CBFA2T3: variants seen among roughly 807,000 people sequenced by gnomAD.
The protein encoded by CBFA2T3 is CBFA2/RUNX1 partner transcriptional co-repressor 3, also known as transcriptional corepressor CBFA2T3.
Under a neutral mutation model 58.6 loss-of-function variants are expected in CBFA2T3, and 31 were observed. The ratio of observed to expected loss-of-function variants is 0.53; its 90% CI spans 0.40 to 0.71. The LOEUF is 0.71. Among genes scored for constraint, CBFA2T3 ranks in the 30% least tolerant of loss-of-function variants. CBFA2T3 has a pLI of 0.00. For synonymous variants in CBFA2T3, 531 were observed against 421.9 expected, an observed-to-expected ratio of 1.26 and a Z score of -3.17; for missense variants, 1,076 against 963.1, an observed-to-expected ratio of 1.12 and a Z score of -1.55.
chr16:88,942,042 T>C (rs961999170), intron 1 of CBFA2T3, among the ~76,000 whole-genome samples: 1 of 152,000 alleles, frequency 6.6e-6, no homozygotes, highest in South Asian at 2.1e-4. Context: ...TGCGAAGCCC[T>C]CGCTTCCCGC....
In CBFA2T3 at chr16:88,898,141, C is replaced by A. The variant is rs770164863; in HGVS notation, c.316G>T (p.Gly106Trp). 4.3e-6 allele frequency: 7 copies of A among 1,612,492 alleles called. No individual in the cohort carries two copies. The South Asian group carries it at 7.7e-5, about 18-fold the overall frequency. Residue 106 changes from glycine to tryptophan, a missense_variant, in exon 3 of 12, where the codon GGG becomes TGG. Coordinates refer to ENST00000268679, the MANE Select transcript of CBFA2T3 (RefSeq NM_005187.6). ...CGGCCGTGGGGCAGCGTCGCAGGCCCGTCCTCTCGATCTGTAAGCAAAATA... is the reference window on the plus strand; with the variant it reads ...CGGCCGTGGGGCAGCGTCGCAGGCCAGTCCTCTCGATCTGTAAGCAAAATA... Reference protein sequence around the residue: ...SFTPHTHREDGPATLPHGRFH... With the variant: ...SFTPHTHREDWPATLPHGRFH...
intron 1 of CBFA2T3, among the ~76,000 whole-genome samples, chr16:88,905,913 G>A (rs1597705986): frequency 6.7e-6 from 1 of 148,978 alleles, no homozygotes. Context: ...CCATTTCCTT[G>A]GCGCTGGCTG....
At chr16:88,959,391 G>A (rs1024614621) in intron 1 of CBFA2T3, among the ~76,000 whole-genome samples, 7 of 152,226 alleles carry the variant, frequency 4.6e-5, no homozygotes, top group South Asian at 2.1e-4. Flanking sequence ...GAGGGAACAC[G>A]CATGCACGCC....
At chr16:88,925,739 C>T (rs1031721611) in intron 1 of CBFA2T3, among the ~76,000 whole-genome samples, 1 of 152,192 alleles carries the variant, frequency 6.6e-6, no homozygotes, top group African/African-American at 2.4e-5. Flanking sequence ...CCGGGAGCCC[C>T]TGCGTGTGTG....
intron 1 of CBFA2T3, among the ~76,000 whole-genome samples, chr16:88,968,344 C>T (rs920532101): frequency 3.9e-4 from 59 of 152,238 alleles, no homozygotes; most frequent in African/African-American, 1.1e-3. Context: ...TCCCACCCGC[C>T]GCCCGGAGAG....
chr16:88,882,029 T>C (rs576381892), intron 8 of CBFA2T3, among the ~76,000 whole-genome samples: 2 of 152,328 alleles, frequency 1.3e-5, no homozygotes, highest in African/African-American at 4.8e-5. Context: ...GAAGAGCCAG[T>C]GAGCAGAAAG....
chr16:88,895,791 C>G (rs141375780), intron 3 of CBFA2T3, among the ~76,000 whole-genome samples: 4 of 152,182 alleles, frequency 2.6e-5, no homozygotes, highest in African/African-American at 9.7e-5. Context: ...CAGACAGACA[C>G]GGCCCTGCCC....
chr16:88,951,996 C>T (rs1398531287), intron 1 of CBFA2T3, among the ~76,000 whole-genome samples: 1 of 152,202 alleles, frequency 6.6e-6, no homozygotes, highest in Non-Finnish European at 1.5e-5. Context: ...AGCATTCTGG[C>T]ACAGACCCTT....
chr16:88,971,705 G>A (rs369640756), intron 1 of CBFA2T3, among the ~76,000 whole-genome samples: 54 of 152,354 alleles, frequency 3.5e-4, no homozygotes, highest in African/African-American at 1.2e-3. Flanking sequence ...AAGGGTGGGT[G>A]GGCGGCCCTC....
chr16:88,965,186 G>C (rs948728700), intron 1 of CBFA2T3, among the ~76,000 whole-genome samples: 1 of 140,810 alleles, frequency 7.1e-6, no homozygotes, highest in Non-Finnish European at 1.5e-5. Flanking sequence ...GAGGCATTTG[G>C]ATCATTTAAT....
At chr16:88,916,939 G>T (rs903473182) in intron 1 of CBFA2T3, among the ~76,000 whole-genome samples, 1 of 151,774 alleles carries the variant, frequency 6.6e-6, no homozygotes, top group East Asian at 1.9e-4. Context: ...GCAGAAGCAC[G>T]GATTCTTTTA....
chr16:88,899,359 G>A (rs1392735707), intron 2 of CBFA2T3, among the ~76,000 whole-genome samples: 6 of 152,194 alleles, frequency 3.9e-5, no homozygotes, highest in African/African-American at 1.4e-4. Context: ...CTACCTCAGG[G>A]GTGGCCAGAG....
At chr16:88,892,735 C>T (rs970087492) in intron 3 of CBFA2T3, among the ~76,000 whole-genome samples, 1 of 152,214 alleles carries the variant, frequency 6.6e-6, no homozygotes, top group Non-Finnish European at 1.5e-5. Flanking sequence ...CACACACCCC[C>T]TTACAGACCT....
In CBFA2T3 at chr16:88,876,969, A is replaced by C; in HGVS notation, c.*7T>G. On this transcript the variant is annotated 3_prime_UTR_variant, in exon 12 of 12. Coordinates refer to ENST00000268679, the MANE Select transcript of CBFA2T3 (RefSeq NM_005187.6). ...TGCTGTGTCCGGCAGGCCAGGGGCC[A>C]GTGGGGTCAGCGGGGCACGGTGTCC... The C allele has an allele frequency of 7.0e-7, 1 of 1,425,678 alleles. No individual in the cohort carries two copies. Among genetic ancestry groups the C allele is most frequent in the Non-Finnish European group, 9.1e-7 (1 of 1,095,228 alleles). 88.3% of individuals were successfully genotyped at this position (1,425,678 alleles called of 1,614,324 possible).
chr16:88,918,717 C>A (rs531448272), intron 1 of CBFA2T3, among the ~76,000 whole-genome samples: 30 of 152,376 alleles, frequency 2.0e-4, no homozygotes, highest in Non-Finnish European at 1.5e-5. Context: ...GCCCTAAGAA[C>A]TTTTGAAATG....
intron 1 of CBFA2T3, among the ~76,000 whole-genome samples, chr16:88,943,853 A>G (rs1347881005): frequency 1.3e-5 from 2 of 152,306 alleles, no homozygotes; most frequent in East Asian, 1.9e-4. Flanking sequence ...CCTATGTGAA[A>G]GATGTCTGCA....
intron 1 of CBFA2T3, among the ~76,000 whole-genome samples, chr16:88,907,709 C>T (rs1970385700): frequency 1.3e-5 from 2 of 152,346 alleles, no homozygotes; most frequent in Middle Eastern, 3.4e-3. Flanking sequence ...CCTGGCCTCC[C>T]TCTGTGGCTT....
At chr16:88,913,449 T>C (rs1304425378) in intron 1 of CBFA2T3, among the ~76,000 whole-genome samples, 1 of 152,242 alleles carries the variant, frequency 6.6e-6, no homozygotes, top group Non-Finnish European at 1.5e-5. Flanking sequence ...GATAGCTGAC[T>C]GATACACTTT....
chr16:88,964,201 T>C (rs57706252), intron 1 of CBFA2T3, among the ~76,000 whole-genome samples: 22,036 of 152,222 alleles, frequency 0.14, 1,680 homozygotes, highest in Middle Eastern at 0.26. Context: ...TGCCTGCTCT[T>C]CCCCCAATTC....
Sources: gnomAD v4.1 joint callset for allele counts (sites outside exome capture counted in the v4.1 genomes callset) on GRCh38, gnomAD v4.1.1 for gene constraint, MANE v1.5 for transcripts, NCBI Gene and HGNC (gene_info 2026-07-23, HGNC 2026-07-21) for gene names.